Variants in POU5F2 observed in about 807,000 individuals in gnomAD.
POU5F2 encodes POU domain, class 5, transcription factor 2.
For missense variants in POU5F2, 401 were observed against 426.6 expected, an observed-to-expected ratio of 0.94 and a Z score of 0.53; for synonymous variants, 191 against 178.7, an observed-to-expected ratio of 1.07 and a Z score of -0.55.
Position 93,733,391 on chromosome 5 carries a change from G to C in POU5F2, c.*7186C>G, listed in dbSNP as rs1183820689. ...AACTTTTGTATTTTTAGTAGAGATG[G>C]GTTTTTACCATGTAGACCAGGATGG... On this transcript the variant is annotated 3_prime_UTR_variant, in exon 1 of 1. Transcript: ENST00000606183. 6.6e-6 allele frequency: 1 copy of C among 151,670 alleles called. No individual in the cohort carries two copies. Among genetic ancestry groups the C allele is most frequent in the Non-Finnish European group, 1.5e-5 (1 of 67,946 alleles). 9.4% of individuals were successfully genotyped at this position (151,670 alleles called of 1,614,324 possible). A position where few individuals can be genotyped will look rare whatever the true frequency, so the allele number is the denominator to read the frequency against.
Position 93,740,952 on chromosome 5 carries a change from C to T in POU5F2, c.612G>A (p.Met204Ile), listed in dbSNP as rs1285555867. 2.5e-6 allele frequency: 4 copies of T among 1,613,982 alleles called. No individual in the cohort carries two copies. In the South Asian group the frequency reaches 4.4e-5, roughly 18 times the overall value. ...ENLLGLCKMEMILQQSGKWRR... is the reference protein window; with the variant it reads ...ENLLGLCKMEIILQQSGKWRR... Reference sequence around the variant, plus strand: ...TCCACTTCCCAGACTGTTGCAGGATCATCTCCATTTTGCATAAGCCCAGAA... The same window carrying T: ...TCCACTTCCCAGACTGTTGCAGGATTATCTCCATTTTGCATAAGCCCAGAA... The change falls in exon 1 of 1, where the codon ATG becomes ATA. Residue 204 changes from methionine (M) to isoleucine (I), a missense_variant. Coordinates refer to ENST00000606183, the MANE Select transcript of POU5F2 (RefSeq NM_153216.2).
At position 93,740,823 on chromosome 5, in the gene POU5F2, G is replaced by A. The variant is rs369080417; in HGVS notation, c.741C>T (p.Leu247=). ...PQQISHIAGC[L]QLQKDVVRVW... is the part of the protein sequence containing the mutation. ...CTCGAACCACATCCTTCTGCAGCTG[G>A]AGGCACCCAGCAATGTGGCTGATTT... The change falls in exon 1 of 1, where the codon CTC becomes CTT. Residue 247 remains leucine, a synonymous_variant. Coordinates refer to ENST00000606183, the MANE Select transcript of POU5F2 (RefSeq NM_153216.2). 37 of 1,613,828 alleles carry A rather than the reference G, an allele frequency of 2.3e-5. No individual in the cohort carries two copies. Among genetic ancestry groups the A allele is most frequent in the Non-Finnish European group, 3.1e-5 (36 of 1,179,786 alleles).
rs543414980 is a variant in POU5F2, at chr5:93,738,553, C to T, written c.*2024G>A. The T allele has an allele frequency of 7.2e-5, 11 of 152,282 alleles. No individual in the cohort carries two copies. In the East Asian group the frequency reaches 2.1e-3, roughly 29 times the overall value. 9.4% of individuals were successfully genotyped at this position (152,282 alleles called of 1,614,324 possible). ...CCCATTGGCTATTAATGAAAACAAT[C>T]TAAGTGCCCATCATCAGAGGAATGG... On this transcript the variant is annotated 3_prime_UTR_variant, in exon 1 of 1. Transcript: ENST00000606183.
Position 93,740,910 on chromosome 5 carries a change from C to T in POU5F2, c.654G>A (p.Glu218=), listed in dbSNP as rs938075584. ...QSGKWRRASR[E]RRIGNSLEKF... is the part of the protein sequence containing the mutation. ...TCTCCAGGCTGTTTCCGATTCGTCG[C>T]TCTCTGCTTGCCCGTCTCCACTTCC... The change falls in exon 1 of 1, where the codon GAG becomes GAA. Residue 218 remains glutamate (E), a synonymous_variant. Coordinates refer to ENST00000606183, the MANE Select transcript of POU5F2 (RefSeq NM_153216.2). 1 of 1,614,018 alleles carries T rather than the reference C, an allele frequency of 6.2e-7. No homozygotes were observed. Among genetic ancestry groups the T allele is most frequent in the African/African-American group, 1.3e-5 (1 of 75,056 alleles).
Position 93,741,048 on chromosome 5 carries a change from T to G in POU5F2, c.516A>C (p.Leu172=). ...GCAGCTTCCACATGTTGGCGACGCT[T>G]AGCTGCTGGGCCTCGAAGCGGCAGA... ...TTICRFEAQQ[L]SVANMWKLRP... The change falls in exon 1 of 1, where the codon CTA becomes CTC. Residue 172 remains leucine, a synonymous_variant. Transcript: ENST00000606183. The G allele has an allele frequency of 6.2e-7, 1 of 1,613,898 alleles. No individual in the cohort carries two copies. Among genetic ancestry groups the G allele is most frequent in the South Asian group, 1.1e-5 (1 of 91,084 alleles).
rs1747745195 is a variant in POU5F2, at chr5:93,738,695, A to G, written c.*1882T>C. On this transcript the variant is annotated 3_prime_UTR_variant, in exon 1 of 1. Coordinates refer to ENST00000606183, the MANE Select transcript of POU5F2 (RefSeq NM_153216.2). ...ACCTTGAAAATGTGCTAAGTGAAAT[A>G]AGCCAGATACAAAAGGTCAAATGTT... The G allele has an allele frequency of 6.6e-6, 1 of 152,244 alleles. No homozygotes were observed. The highest frequency in any genetic ancestry group is 2.1e-4 in the South Asian group (1 of 4,832). 9.4% of individuals were successfully genotyped at this position (152,244 alleles called of 1,614,324 possible).
In POU5F2 at chr5:93,740,569, C is replaced by T. The variant is rs1364470754; in HGVS notation, c.*8G>A. On this transcript the variant is annotated 3_prime_UTR_variant, in exon 1 of 1. Transcript: ENST00000606183. ...CCAACCGTGCCGTGAAGGGCAAGCC[C>T]CTCAGCCCTAAAATCTGAGGAGGCC... 4 of 1,585,794 alleles carry T rather than the reference C, an allele frequency of 2.5e-6. No homozygotes were observed. The South Asian group carries it at 4.5e-5, about 18-fold the overall frequency.
rs1187709098 is a variant in POU5F2, at chr5:93,738,071, CT to C, written c.*2505del. On this transcript the variant is annotated 3_prime_UTR_variant, in exon 1 of 1. Coordinates refer to ENST00000606183, the MANE Select transcript of POU5F2 (RefSeq NM_153216.2). ...GAGAAAATACTTGCAAACCATCTAT[CT>C]GATAAGGGCTTAATATCCAGACTCT... is the stretch of plus-strand genomic sequence containing the variant. 2 of 309,290 alleles carry C rather than the reference CT, an allele frequency of 6.5e-6. No individual in the cohort carries two copies. Among genetic ancestry groups the C allele is most frequent in the Non-Finnish European group, 1.3e-5 (2 of 159,034 alleles). The allele number at this position is 309,290 out of a possible 1,614,324, so 19.2% of individuals were successfully genotyped here.
At position 93,735,190 on chromosome 5, in the gene POU5F2, A is replaced by G. The variant is rs943710384; in HGVS notation, c.*5387T>C. ...CTTCTGTTTAAGGGATCTTCTGATT[A>G]AAGTTTCTACATATCATCTTAAATC... On this transcript the variant is annotated 3_prime_UTR_variant, in exon 1 of 1. Coordinates refer to ENST00000606183, the MANE Select transcript of POU5F2 (RefSeq NM_153216.2). 6.6e-6 allele frequency: 1 copy of G among 152,240 alleles called. No homozygotes were observed. The highest frequency in any genetic ancestry group is 2.4e-5 in the African/African-American group (1 of 41,464). The allele number at this position is 152,240 out of a possible 1,614,324, so 9.4% of individuals were successfully genotyped here.
rs1362903452 is a variant in POU5F2 at position 93,733,795 on chromosome 5, A to C, written c.*6782T>G. On this transcript the variant is annotated 3_prime_UTR_variant, in exon 1 of 1. Coordinates refer to ENST00000606183, the MANE Select transcript of POU5F2 (RefSeq NM_153216.2). ...TGTCAAGGACATTTCCACTAGGTTTAATTGCAATGGTTTTGTAGTTTTCAC... is the reference window on the plus strand; with the variant it reads ...TGTCAAGGACATTTCCACTAGGTTTCATTGCAATGGTTTTGTAGTTTTCAC... 1 of 152,194 alleles carries C rather than the reference A, an allele frequency of 6.6e-6. No individual in the cohort carries two copies. The highest frequency in any genetic ancestry group is 1.5e-5 in the Non-Finnish European group (1 of 68,036). The allele number at this position is 152,194 out of a possible 1,614,324, so 9.4% of individuals were successfully genotyped here. A position where few individuals can be genotyped will look rare whatever the true frequency, so the allele number is the denominator to read the frequency against.
At position 93,741,175 on chromosome 5, in the gene POU5F2, G is replaced by A. The variant is rs376579858; in HGVS notation, c.389C>T (p.Ala130Val). 3 of 1,613,672 alleles carry A rather than the reference G, an allele frequency of 1.9e-6. No homozygotes were observed. In the African/African-American group the frequency reaches 4.0e-5, roughly 22 times the overall value. The change falls in exon 1 of 1, where the codon GCC (alanine) becomes GTC (valine). Residue 130 changes from alanine to valine, a missense_variant. Ala to Val is a moderately conservative substitution (Grantham distance 64). Transcript: ENST00000606183. ...CAACCTCTTCTGCCTCAACTCCTTG[G>A]CCAATTGCTGCAACTCTTTCAGTAT... The part of the protein sequence containing the change: ...SGILKELQQL[A>V]KELRQKRLSL...
In POU5F2 at chr5:93,735,129, A is replaced by G. The variant is rs982548760; in HGVS notation, c.*5448T>C. On this transcript the variant is annotated 3_prime_UTR_variant, in exon 1 of 1. Coordinates refer to ENST00000606183, the MANE Select transcript of POU5F2 (RefSeq NM_153216.2). ...AACATTGTTAACTACTTAACAATAT[A>G]GTCTTGGTTTTCTCCCAACTCTAAG... 1.3e-5 allele frequency: 2 copies of G among 152,204 alleles called. No homozygotes were observed. Among genetic ancestry groups the G allele is most frequent in the Non-Finnish European group, 2.9e-5 (2 of 68,020 alleles). 9.4% of individuals were successfully genotyped at this position (152,204 alleles called of 1,614,324 possible). A position where few individuals can be genotyped will look rare whatever the true frequency, so the allele number is the denominator to read the frequency against.
In POU5F2 at chr5:93,733,482, AGCCACT is replaced by A; in HGVS notation, c.*7089_*7094del. The A allele has an allele frequency of 6.6e-6, 1 of 152,296 alleles. No individual in the cohort carries two copies. The highest frequency in any genetic ancestry group is 2.1e-4 in the South Asian group (1 of 4,824). The allele number at this position is 152,296 out of a possible 1,614,324, so 9.4% of individuals were successfully genotyped here. ...CCAAAGTGCTGGGATTACAGGAGTG[AGCCACT>A]GCACCTGGCTACACACAATTATTTT... On this transcript the variant is annotated 3_prime_UTR_variant, in exon 1 of 1. Transcript: ENST00000606183.
rs771459691 is a variant in POU5F2 at position 93,741,341 on chromosome 5, A to T, written c.223T>A (p.Trp75Arg). 1 of 1,611,554 alleles carries T rather than the reference A, an allele frequency of 6.2e-7. No individual in the cohort carries two copies. The highest frequency in any genetic ancestry group is 8.5e-7 in the Non-Finnish European group (1 of 1,178,450). Residue 75 changes from tryptophan to arginine, a missense_variant, in exon 1 of 1, where the codon TGG becomes AGG. Coordinates refer to ENST00000606183, the MANE Select transcript of POU5F2 (RefSeq NM_153216.2). ...LGPLPHEFRG[W>R]IAPCRPRLGA... The stretch of plus-strand genomic sequence containing the variant: ...AGACGGGGCCTGCAGGGTGCTATCC[A>T]GCCCCGGAATTCGTGTGGCAGGGGA...
rs952528591 is a variant in POU5F2, at chr5:93,734,191, T to C, written c.*6386A>G. The C allele has an allele frequency of 2.6e-5, 4 of 152,152 alleles. No individual in the cohort carries two copies. Among genetic ancestry groups the C allele is most frequent in the Admixed American group, 2.0e-4 (3 of 15,284 alleles). The allele number at this position is 152,152 out of a possible 1,614,324, so 9.4% of individuals were successfully genotyped here. On this transcript the variant is annotated 3_prime_UTR_variant, in exon 1 of 1. Transcript: ENST00000606183. ...AAGATTTTAATTAAAGTGCCAAGGA[T>C]TGATAAAAGTGTAAGAACAAGAAAG...
At position 93,739,978 on chromosome 5, in the gene POU5F2, A is replaced by G. The variant is rs1748036123; in HGVS notation, c.*599T>C. On this transcript the variant is annotated 3_prime_UTR_variant, in exon 1 of 1. Coordinates refer to ENST00000606183, the MANE Select transcript of POU5F2 (RefSeq NM_153216.2). Reference sequence around the variant, plus strand: ...CCCTGACATGAAGCTGGGGCACCAGAAATGAAAAGGTAAATCAGAAAAAAA... The same window carrying G: ...CCCTGACATGAAGCTGGGGCACCAGGAATGAAAAGGTAAATCAGAAAAAAA... 1 of 151,000 alleles carries G rather than the reference A, an allele frequency of 6.6e-6. No individual in the cohort carries two copies. Among genetic ancestry groups the G allele is most frequent in the East Asian group, 1.9e-4 (1 of 5,164 alleles). The allele number at this position is 151,000 out of a possible 1,614,324, so 9.4% of individuals were successfully genotyped here.
In POU5F2 at chr5:93,741,335, C is replaced by G. The variant is rs546594308; in HGVS notation, c.229G>C (p.Ala77Pro). ...GCTCCAAGACGGGGCCTGCAGGGTG[C>G]TATCCAGCCCCGGAATTCGTGTGGC... ...PLPHEFRGWI[A>P]PCRPRLGASE... is the part of the protein sequence containing the mutation. Residue 77 changes from alanine to proline, a missense_variant, in exon 1 of 1, where the codon GCA (alanine) becomes CCA (proline). By Grantham distance (27) the Ala-to-Pro change is conservative. Transcript: ENST00000606183. 5.6e-6 allele frequency: 9 copies of G among 1,612,002 alleles called. No homozygotes were observed. The African/African-American group carries it at 9.3e-5, about 17-fold the overall frequency.
rs1747302803 is a variant in POU5F2 at position 93,736,742 on chromosome 5, A to C, written c.*3835T>G. ...AGCATTTTTCATTTATTCCAGAGAA[A>C]CTGTCAAAAACCCATACCCTCGCAT... On this transcript the variant is annotated 3_prime_UTR_variant, in exon 1 of 1. Transcript: ENST00000606183. The C allele has an allele frequency of 6.6e-6, 1 of 152,202 alleles. No individual in the cohort carries two copies. The highest frequency in any genetic ancestry group is 1.5e-5 in the Non-Finnish European group (1 of 68,022). The allele number at this position is 152,202 out of a possible 1,614,324, so 9.4% of individuals were successfully genotyped here.
Position 93,741,427 on chromosome 5 carries a change from A to G in POU5F2, c.137T>C (p.Val46Ala), listed in dbSNP as rs780945503. Residue 46 changes from valine (V) to alanine (A), a missense_variant, in exon 1 of 1, where the codon GTC (valine) becomes GCC (alanine). By Grantham distance (64) the Val-to-Ala change is moderately conservative. Transcript: ENST00000606183. ...GATCCCTGGCCTGACTGCCGGCCAGACCATCACCCTGCCAGGGGCCGCCTG... is the reference window on the plus strand; with the variant it reads ...GATCCCTGGCCTGACTGCCGGCCAGGCCATCACCCTGCCAGGGGCCGCCTG... The part of the protein sequence containing the change: ...STQAAPGRVM[V>A]WPAVRPGICP... 18 of 1,613,296 alleles carry G rather than the reference A, an allele frequency of 1.1e-5. No individual in the cohort carries two copies. Among genetic ancestry groups the G allele is most frequent in the Admixed American group, 1.7e-5 (1 of 59,988 alleles).
Sources: allele counts gnomAD v4.1 joint callset, GRCh38; gene constraint gnomAD v4.1.1; transcripts MANE v1.5; gene names NCBI Gene and HGNC (gene_info 2026-07-23, HGNC 2026-07-21).